The following HNMT variants were observed in gnomAD, a reference collection of about 807,000 sequenced individuals.
The protein encoded by HNMT is histamine N-methyltransferase.
HNMT carries 30 observed loss-of-function variants against 32.1 expected under a neutral mutation model. The ratio of observed to expected loss-of-function variants is 0.93; its 90% CI spans 0.70 to 1.27. The LOEUF (loss-of-function observed/expected upper bound fraction) is 1.27. HNMT is among the 50% of genes most tolerant of loss of function. The pLI, the probability that HNMT is intolerant of heterozygous loss-of-function variation, is 0.00. For missense variants in HNMT, 327 were observed against 346.0 expected, an observed-to-expected ratio of 0.95 and a Z score of 0.43; for synonymous variants, 125 against 119.0, an observed-to-expected ratio of 1.05 and a Z score of -0.33.
chr2:137,976,694 A>G (rs1448213717), intron 2 of HNMT, among the ~76,000 whole-genome samples: 1 of 152,224 alleles, frequency 6.6e-6, no homozygotes, highest in African/African-American at 2.4e-5. Context: ...ATAATCATAA[A>G]CTAATCTACA....
At chr2:138,001,930 C>T in intron 3 of HNMT, 134 bp from the exon 4 acceptor site, 2 of 584,442 alleles carry the variant, frequency 3.4e-6, no homozygotes, top group Non-Finnish European at 5.4e-6. Context: ...TCTCTGGTCT[C>T]CCAGACATAA....
chr2:137,984,854 G>A (rs1002329828), intron 2 of HNMT, among the ~76,000 whole-genome samples: 1 of 152,100 alleles, frequency 6.6e-6, no homozygotes, highest in African/African-American at 2.4e-5. Context: ...CCATTTTGTA[G>A]ATGAGCAAAT....
intron 2 of HNMT, among the ~76,000 whole-genome samples, chr2:137,971,286 TCTC>T (rs985218167): frequency 1.3e-5 from 2 of 151,978 alleles, no homozygotes; most frequent in Non-Finnish European, 2.9e-5. Context: ...TTCAAGCAAT[TCTC>T]CTCCCTCAGC....
chr2:137,989,583 G>GT (rs1435825495), intron 2 of HNMT, among the ~76,000 whole-genome samples: 1 of 152,198 alleles, frequency 6.6e-6, no homozygotes, highest in African/African-American at 2.4e-5. Context: ...TTGTGTGACT[G>GT]TAAGTTTTCA....
intron 4 of HNMT, among the ~76,000 whole-genome samples, chr2:138,004,196 A>G (rs1327657768): frequency 1.3e-5 from 2 of 152,050 alleles, no homozygotes; most frequent in African/African-American, 2.4e-5. Flanking sequence ...TAGCCATCAT[A>G]TTGATTCACT....
At chr2:138,003,964 C>T (rs1681258769) in intron 4 of HNMT, among the ~76,000 whole-genome samples, 1 of 152,044 alleles carries the variant, frequency 6.6e-6, no homozygotes, top group Admixed American at 6.6e-5. Context: ...AACTCTGTTT[C>T]CCTCTGAATC....
In HNMT at chr2:137,996,205, C is replaced by T. The variant is rs1680988314; in HGVS notation, c.191-4713C>T. 3.3e-5 allele frequency among the ~76,000 whole-genome samples: 5 copies of T among 152,284 alleles called. No individual in the cohort carries two copies. The South Asian group carries it at 1.0e-3, about 32-fold the overall frequency. On this transcript the variant is annotated intron_variant, in intron 2 of 5. Transcript: ENST00000280097. ...GCAATAGAAACAAATAAAAGGTATT[C>T]AAATAGGAAGAGAGGAAGTCAAATT...
Position 137,964,534 on chromosome 2 carries a change from T to C in HNMT, c.43T>C (p.Tyr15His). The C allele has an allele frequency of 6.2e-7, 1 of 1,613,452 alleles. No individual in the cohort carries two copies. Among genetic ancestry groups the C allele is most frequent in the Non-Finnish European group, 8.5e-7 (1 of 1,179,482 alleles). Residue 15 changes from tyrosine to histidine, a missense_variant, in exon 1 of 6, where the codon TAT becomes CAT. Transcript: ENST00000280097. Reference sequence around the variant, plus strand: ...GAGCTTGTTTTCTGACCACGGGAAATATGTTGAATCTTTCCGGAGGTTTCT... The same window carrying C: ...GAGCTTGTTTTCTGACCACGGGAAACATGTTGAATCTTTCCGGAGGTTTCT... ...MRSLFSDHGKYVESFRRFLNH... is the reference protein window; with the variant it reads ...MRSLFSDHGKHVESFRRFLNH...
At chr2:137,997,820 C>G (rs1004212409) in intron 2 of HNMT, among the ~76,000 whole-genome samples, 1 of 152,166 alleles carries the variant, frequency 6.6e-6, no homozygotes, top group Non-Finnish European at 1.5e-5. Context: ...TGCATATACA[C>G]CATGTTATAC....
At chr2:137,995,508 A>T (rs1490965976) in intron 2 of HNMT, among the ~76,000 whole-genome samples, 1 of 152,192 alleles carries the variant, frequency 6.6e-6, no homozygotes, top group Non-Finnish European at 1.5e-5. Context: ...AAGTTCTGAA[A>T]TTAAGGCAGT....
chr2:137,975,909 T>C (rs1032868588), intron 2 of HNMT, among the ~76,000 whole-genome samples: 6 of 152,170 alleles, frequency 3.9e-5, no homozygotes, highest in African/African-American at 1.4e-4. Flanking sequence ...GGGCAAACAA[T>C]AGAATATTTG....
chr2:137,964,647 T>G lies in HNMT; in HGVS notation c.137+19T>G. On this transcript the variant is annotated intron_variant, in intron 1 of 5. Coordinates refer to ENST00000280097, the MANE Select transcript of HNMT (RefSeq NM_006895.3). ...TAGGAAGGTAACAAAAGGGACGTTG[T>G]TGTCAAAGGGACAAGCCTCAGACTG... 6.2e-7 allele frequency: 1 copy of G among 1,613,334 alleles called. No individual in the cohort carries two copies.
chr2:138,005,263 A>G (rs1197085149), intron 5 of HNMT, 38 bp downstream of exon 5: 1 of 1,061,386 alleles, frequency 9.4e-7, no homozygotes, highest in South Asian at 1.3e-5. Context: ...TTAAAACAGC[A>G]ATAATACACG....
At chr2:137,980,853 TA>T (rs946174377) in intron 2 of HNMT, among the ~76,000 whole-genome samples, 1 of 152,040 alleles carries the variant, frequency 6.6e-6, no homozygotes, top group African/African-American at 2.4e-5. Context: ...TGGAGGGAGA[TA>T]GAGAGAGAAA....
At chr2:137,983,773 C>T (rs1321604460) in intron 2 of HNMT, among the ~76,000 whole-genome samples, 1 of 152,146 alleles carries the variant, frequency 6.6e-6, no homozygotes, top group Non-Finnish European at 1.5e-5. Flanking sequence ...AGTTTGTTTG[C>T]AGATTCCTCT....
At chr2:137,985,654 G>C (rs1573656518) in intron 2 of HNMT, among the ~76,000 whole-genome samples, 1 of 152,056 alleles carries the variant, frequency 6.6e-6, no homozygotes, top group South Asian at 2.1e-4. Flanking sequence ...ATTTCATTTT[G>C]TAGCCTCTTT....
chr2:137,966,653 C>T (rs1365866393), intron 1 of HNMT, among the ~76,000 whole-genome samples: 2 of 152,114 alleles, frequency 1.3e-5, no homozygotes, highest in African/African-American at 4.8e-5. Context: ...TCTCCATGTA[C>T]CTATTACTAT....
chr2:138,001,062 TC>T, intron 3 of HNMT, 37 bp downstream of exon 3: 1 of 1,060,022 alleles, frequency 9.4e-7, no homozygotes, highest in Non-Finnish European at 1.4e-6. Context: ...CCAGATCCTA[TC>T]CCAAAAGACT....
At chr2:137,991,435 G>C (rs968736584) in intron 2 of HNMT, among the ~76,000 whole-genome samples, 2 of 152,170 alleles carry the variant, frequency 1.3e-5, no homozygotes, top group Non-Finnish European at 2.9e-5. Context: ...ATATGGGACA[G>C]GACCTCCTCT....
Sources: gnomAD v4.1 joint callset for allele counts (sites outside exome capture counted in the v4.1 genomes callset) on GRCh38, gnomAD v4.1.1 for gene constraint, MANE v1.5 for transcripts, NCBI Gene and HGNC (gene_info 2026-07-23, HGNC 2026-07-21) for gene names.